Variants in DOCK9 observed in about 807,000 individuals in gnomAD.
DOCK9 encodes the protein dedicator of cytokinesis 9, also known as dedicator of cytokinesis protein 9.
A neutral mutation model predicts 263.3 loss-of-function variants in DOCK9; 89 were observed. That is an observed-to-expected ratio of 0.34 (90% CI 0.28 to 0.40). DOCK9 has a LOEUF of 0.40. DOCK9 is among the 10% of genes least tolerant of loss of function. The probability of loss-of-function intolerance (pLI) is 1.00; values close to 1 mark genes in which losing one functional copy is unlikely to be tolerated. For missense variants in DOCK9, 2,140 were observed against 2,603.4 expected (o/e 0.82, Z 3.87); for synonymous variants, 976 against 973.1 (o/e 1.00, Z -0.06).
In DOCK9 at chr13:98,800,446, T is replaced by C; in HGVS notation, c.5758A>G (p.Ile1920Val). The C allele has an allele frequency of 6.2e-7, 1 of 1,614,012 alleles. No individual in the cohort carries two copies. The highest frequency in any genetic ancestry group is 8.5e-7 in the Non-Finnish European group (1 of 1,179,880). ...IHCFPYVKKRIPVMYQHHTDL... is the reference protein window; with the variant it reads ...IHCFPYVKKRVPVMYQHHTDL... ...GTGTGGTGCTGGTACATGACAGGGA[T>C]GCGCTTCTTCACATAAGGGAAGCAG... Residue 1920 changes from isoleucine (I) to valine (V), a missense_variant, in exon 50 of 53, where the codon ATC becomes GTC. Around this residue, in one of 2 missense-constraint regions of DOCK9, gnomAD observed 619 missense variants for 861.8 expected, o/e 0.72. Transcript: ENST00000682017.
chr13:98,950,756 A>G (rs545837740), intron 2 of DOCK9, among the ~76,000 whole-genome samples: 2 of 152,216 alleles, frequency 1.3e-5, no homozygotes, highest in Admixed American at 6.5e-5. Context: ...GTCACTTTAC[A>G]TAGTCGCACA....
At chr13:98,978,159 C>G, upstream of DOCK9, 1 of 1,307,652 alleles carries the variant, frequency 7.6e-7, no homozygotes, top group East Asian at 2.6e-5. Flanking sequence ...CAAAGGAAAA[C>G]AAACTCCAAG....
intron 2 of DOCK9, among the ~76,000 whole-genome samples, chr13:98,954,760 G>C (rs977949431): frequency 6.6e-5 from 10 of 151,974 alleles, no homozygotes; most frequent in Admixed American, 6.6e-4. Flanking sequence ...AAGATTCTAA[G>C]GTACTTGGCC....
At chr13:98,910,325 G>A (rs2049802982) in intron 9 of DOCK9, among the ~76,000 whole-genome samples, 1 of 152,152 alleles carries the variant, frequency 6.6e-6, no homozygotes, top group Admixed American at 6.5e-5. Flanking sequence ...GCTACACACT[G>A]TTACATTTAC....
intron 27 of DOCK9, among the ~76,000 whole-genome samples, chr13:98,869,072 T>C (rs114619380): frequency 0.014 from 2,123 of 152,338 alleles, 54 homozygotes; most frequent in African/African-American, 0.048. Context: ...GAGATCTCTT[T>C]AGAAAGCACT....
At chr13:98,884,939 T>A in intron 21 of DOCK9, 32 bp downstream of exon 21, 1 of 1,596,462 alleles carries the variant, frequency 6.3e-7, no homozygotes, top group Middle Eastern at 1.7e-4. Flanking sequence ...TCTGAAGAAA[T>A]TGGGATGACC....
intron 1 of DOCK9, among the ~76,000 whole-genome samples, chr13:99,078,519 T>A (rs375220627): frequency 6.6e-6 from 1 of 151,986 alleles, no homozygotes; most frequent in African/African-American, 2.4e-5. Context: ...GATAGGGAGC[T>A]GTGGATGGTG....
At position 98,992,858 on chromosome 13, in the gene DOCK9, T is replaced by G. The variant is rs371721308; in HGVS notation, c.130-37307A>C. Among the ~76,000 whole-genome samples the G allele has an allele frequency of 5.9e-5, 9 of 152,210 alleles. No homozygotes were observed. The East Asian group carries it at 1.4e-3, about 23-fold the overall frequency. On this transcript the variant is annotated intron_variant, in intron 1 of 32. Transcript: ENST00000427887. ...GATGCTGCTGGCTCAGGGAGCAAAC[T>G]TGAAAAGCAAAGTCTTAAAGAATAA...
intron 1 of DOCK9, among the ~76,000 whole-genome samples, chr13:98,983,208 T>G (rs1877628954): frequency 6.6e-6 from 1 of 152,250 alleles, no homozygotes; most frequent in Admixed American, 6.5e-5. Context: ...ATTCCTTTTC[T>G]CTTGTTCTGG....
intron 50 of DOCK9, among the ~76,000 whole-genome samples, chr13:98,799,761 A>T (rs2089889724): frequency 6.6e-6 from 1 of 152,232 alleles, no homozygotes; most frequent in Non-Finnish European, 1.5e-5. Flanking sequence ...CTAGGAGAAC[A>T]TCTGTGAAAT....
In DOCK9 at chr13:98,883,806, C is replaced by A. The variant is rs2045237270; in HGVS notation, c.2469+7G>T. The A allele has an allele frequency of 1.3e-6, 2 of 1,588,778 alleles. No individual in the cohort carries two copies. The highest frequency in any genetic ancestry group is 1.7e-4 in the Middle Eastern group (1 of 5,980). ...GCAACTGCTAATTTTGTTGAAGGAG[C>A]ACATACCTGAGTATACACTGTAGAA... On this transcript the variant is annotated splice_region_variant and intron_variant, in intron 22 of 52. Transcript: ENST00000682017.
intron 1 of DOCK9, among the ~76,000 whole-genome samples, chr13:99,021,712 T>G (rs1355577010): frequency 6.8e-6 from 1 of 146,346 alleles, no homozygotes; most frequent in Non-Finnish European, 1.5e-5. Flanking sequence ...GCTTGTAAAA[T>G]AAGGAGTGGA....
chr13:98,801,798 A>G (rs541791701), intron 49 of DOCK9, among the ~76,000 whole-genome samples: 1 of 152,334 alleles, frequency 6.6e-6, no homozygotes, highest in African/African-American at 2.4e-5. Context: ...ACAGGATGGG[A>G]AACAGGCCCA....
intron 1 of DOCK9, among the ~76,000 whole-genome samples, chr13:99,048,100 A>G (rs998324542): frequency 5.9e-5 from 9 of 152,358 alleles, no homozygotes; most frequent in Non-Finnish European, 1.3e-4. Context: ...GTTCTCACTG[A>G]GAACATATTC....
rs1280129018 is a variant in DOCK9 at position 99,037,584 on chromosome 13, T to TA, written c.129+48638dup. Among the ~76,000 whole-genome samples, 3 of 152,296 alleles carry TA rather than the reference T, an allele frequency of 2.0e-5. No homozygotes were observed. In the East Asian group the frequency reaches 5.8e-4, roughly 29 times the overall value. Reference sequence around the variant, plus strand: ...GTAAAAAGTATACATTTACCAGCTATACAACCCAAACATTCCACTGCTATT... The same window carrying TA: ...GTAAAAAGTATACATTTACCAGCTATAACAACCCAAACATTCCACTGCTATT... On this transcript the variant is annotated intron_variant, in intron 1 of 32. Transcript: ENST00000427887.
intron 33 of DOCK9, chr13:98,859,009 G>A (rs1213162994): frequency 6.6e-6 from 1 of 152,200 alleles, no homozygotes; most frequent in Non-Finnish European, 1.5e-5. Flanking sequence ...TCTAACGACC[G>A]TTTTGAAGAC....
intron 1 of DOCK9, among the ~76,000 whole-genome samples, chr13:99,035,712 G>C (rs192618387): frequency 6.6e-6 from 1 of 152,234 alleles, no homozygotes; most frequent in Non-Finnish European, 1.5e-5. Flanking sequence ...ATTGTTTTTT[G>C]ATCTTTGTTA....
At chr13:99,064,116 T>C (rs1159669976) in intron 1 of DOCK9, among the ~76,000 whole-genome samples, 3 of 152,194 alleles carry the variant, frequency 2.0e-5, no homozygotes, top group Non-Finnish European at 4.4e-5. Context: ...CCCTCACAGA[T>C]GTCCTGGTCA....
At chr13:98,933,279 G>A (rs960471561) in intron 2 of DOCK9, among the ~76,000 whole-genome samples, 4 of 151,896 alleles carry the variant, frequency 2.6e-5, no homozygotes, top group Non-Finnish European at 5.9e-5. Context: ...TTAATTATGG[G>A]ACACTTTTCC....
Sources: gnomAD v4.1 joint callset for allele counts (sites outside exome capture counted in the v4.1 genomes callset) on GRCh38, gnomAD v4.1.1 for gene constraint, gnomAD v4.1.1 regional missense constraint, MANE v1.5 for transcripts, NCBI Gene and HGNC (gene_info 2026-07-23, HGNC 2026-07-21) for gene names.